The following TTC39B variants were observed in gnomAD, a reference collection of about 807,000 sequenced individuals.
TTC39B encodes the protein tetratricopeptide repeat domain 39B, also known as tetratricopeptide repeat protein 39B.
A neutral mutation model predicts 96.6 loss-of-function variants in TTC39B; 92 were observed. The ratio of observed to expected loss-of-function variants is 0.95; its 90% CI spans 0.80 to 1.13. The LOEUF (loss-of-function observed/expected upper bound fraction) is 1.13, where lower values mean the gene tolerates loss of function less well. TTC39B is among the 50% of genes most tolerant of loss of function. TTC39B has a pLI of 0.00. For synonymous variants in TTC39B, 367 were observed against 299.4 expected, an observed-to-expected ratio of 1.23 and a Z score of -2.33; for missense variants, 955 against 809.3, an observed-to-expected ratio of 1.18 and a Z score of -2.18.
intron 1 of TTC39B, among the ~76,000 whole-genome samples, chr9:15,277,153 G>A (rs1823575035): frequency 6.6e-6 from 1 of 152,204 alleles, no homozygotes; most frequent in African/African-American, 2.4e-5. Flanking sequence ...TATGGGCTGG[G>A]CGCAGTGGCT....
chr9:15,214,345 T>C (rs1820385514), intron 3 of TTC39B, 96 bp from the exon 4 acceptor site: 4 of 736,388 alleles, frequency 5.4e-6, no homozygotes, highest in Non-Finnish European at 8.9e-6. Context: ...TGTGTGTGTG[T>C]GTCTGTGTGT....
At chr9:15,279,576 T>A (rs1489845023) in intron 1 of TTC39B, among the ~76,000 whole-genome samples, 1 of 152,194 alleles carries the variant, frequency 6.6e-6, no homozygotes, top group African/African-American at 2.4e-5. Context: ...GTCCATAGAT[T>A]AATGTCAGAT....
chr9:15,185,820 G>A (rs1433601752), intron 15 of TTC39B, among the ~76,000 whole-genome samples: 2 of 152,106 alleles, frequency 1.3e-5, no homozygotes, highest in African/African-American at 4.8e-5. Flanking sequence ...GAGAGAAGAG[G>A]GTACACTGGT....
intron 1 of TTC39B, among the ~76,000 whole-genome samples, chr9:15,295,643 T>C (rs1003559380): frequency 1.3e-5 from 2 of 152,236 alleles, no homozygotes; most frequent in African/African-American, 2.4e-5. Context: ...TTTAAAAGCA[T>C]AAAGAGAAAG....
intron 2 of TTC39B, among the ~76,000 whole-genome samples, chr9:15,226,954 G>A (rs1821153355): frequency 6.6e-6 from 1 of 152,002 alleles, no homozygotes; most frequent in Admixed American, 6.5e-5. Flanking sequence ...ATTAAAAAAA[G>A]AGGAGAAGTT....
Position 15,192,698 on chromosome 9 carries a change from G to C in TTC39B, c.825-3C>G, listed in dbSNP as rs759937831. On this transcript the variant is annotated splice_polypyrimidine_tract_variant and splice_region_variant and intron_variant, in intron 8 of 19. Coordinates refer to ENST00000512701, the Ensembl canonical transcript of TTC39B. ...CATGCAGGATAGAAAGACATTCTCT[G>C]GGTTGAAGAAAAAAAGTGACAGCAT... 1.2e-6 allele frequency: 2 copies of C among 1,607,122 alleles called. No homozygotes were observed. Among genetic ancestry groups the C allele is most frequent in the Non-Finnish European group, 1.7e-6 (2 of 1,176,346 alleles).
chr9:15,177,930 C>T (rs1026300937), intron 17 of TTC39B, 116 bp from the exon 18 acceptor site: 32 of 565,790 alleles, frequency 5.7e-5, no homozygotes, highest in Middle Eastern at 5.2e-4. Context: ...AGTGCAGTGG[C>T]GCAATCTCGG....
intron 1 of TTC39B, among the ~76,000 whole-genome samples, chr9:15,279,897 T>A: frequency 7.1e-6 from 1 of 141,828 alleles, no homozygotes; most frequent in African/African-American, 2.7e-5. Context: ...CTTTTCTTTT[T>A]TTTTTTTTTT....
chr9:15,195,160 G>C (rs1254985664), intron 8 of TTC39B, among the ~76,000 whole-genome samples: 2 of 152,144 alleles, frequency 1.3e-5, no homozygotes, highest in African/African-American at 2.4e-5. Context: ...CAAATGATAA[G>C]AAAACAAAAC....
intron 15 of TTC39B, 53 bp from the exon 16 acceptor site, chr9:15,185,459 T>C: frequency 6.2e-7 from 1 of 1,604,422 alleles, no homozygotes; most frequent in Non-Finnish European, 8.5e-7. Context: ...ACACATACAT[T>C]ATTTGTACCT....
At chr9:15,239,403 T>C (rs1424640583) in intron 2 of TTC39B, among the ~76,000 whole-genome samples, 3 of 152,170 alleles carry the variant, frequency 2.0e-5, no homozygotes, top group African/African-American at 7.2e-5. Flanking sequence ...GAGACAGCAA[T>C]CCCACTGCCT....
At chr9:15,212,383 A>G (rs910813434) in intron 4 of TTC39B, among the ~76,000 whole-genome samples, 10 of 149,478 alleles carry the variant, frequency 6.7e-5, no homozygotes, top group African/African-American at 2.4e-4. Flanking sequence ...CAAGAAGCAA[A>G]AAAAAAAAAA....
At chr9:15,174,990 A>G (rs768271848) in intron 19 of TTC39B, 29 bp downstream of exon 19, 1 of 1,468,188 alleles carries the variant, frequency 6.8e-7, no homozygotes, top group South Asian at 1.1e-5. Flanking sequence ...CTCCATAACA[A>G]TCAAGGAAAA....
rs1824760266 is a variant in TTC39B at position 15,306,556 on chromosome 9, C to T, written c.240+528G>A. Among the ~76,000 whole-genome samples, 1 of 152,176 alleles carries T rather than the reference C, an allele frequency of 6.6e-6. No homozygotes were observed. Among genetic ancestry groups the T allele is most frequent in the Non-Finnish European group, 1.5e-5 (1 of 68,016 alleles). On this transcript the variant is annotated intron_variant, in intron 1 of 19. Transcript: ENST00000512701. The surrounding 1 kb of genome is among the most constrained non-coding windows in gnomAD (Gnocchi z 5.1). ...CCCTGGCAGCCCTGCCCTGCTGTCG[C>T]GGCAGGTACCCCTCTACTCATTGTT...
At chr9:15,201,800 T>C (rs1024473612) in intron 7 of TTC39B, among the ~76,000 whole-genome samples, 2 of 152,042 alleles carry the variant, frequency 1.3e-5, no homozygotes, top group African/African-American at 4.8e-5. Flanking sequence ...CCAGTTTTGT[T>C]TGAAAAAGTA....
intron 17 of TTC39B, 50 bp from the exon 18 acceptor site, chr9:15,177,864 A>AAT: frequency 2.6e-6 from 3 of 1,162,060 alleles, no homozygotes; most frequent in African/African-American, 1.6e-5. Context: ...AATACTTTTT[A>AAT]AGATCTTTTT....
intron 13 of TTC39B, among the ~76,000 whole-genome samples, chr9:15,188,629 C>T (rs1048823183): frequency 1.3e-5 from 2 of 152,112 alleles, no homozygotes; most frequent in African/African-American, 4.8e-5. Context: ...GACAGATATA[C>T]ATGTGGATAA....
chr9:15,273,849 G>A (rs1467326100), intron 1 of TTC39B, among the ~76,000 whole-genome samples: 7 of 152,314 alleles, frequency 4.6e-5, no homozygotes, highest in African/African-American at 1.7e-4. Flanking sequence ...CCATGGAGAT[G>A]AGACATGAAG....
rs1323787504 is a variant in TTC39B at position 15,211,281 on chromosome 9, A to G, written c.599T>C (p.Leu200Ser). The G allele has an allele frequency of 1.2e-5, 19 of 1,561,502 alleles. No individual in the cohort carries two copies. The highest frequency in any genetic ancestry group is 1.5e-5 in the Non-Finnish European group (17 of 1,157,306). ...CTCGTCATACTTTTGGCAGGTTTGTAAAGCGTCCTTCATGGCAGAAATGCC... is the reference window on the plus strand; with the variant it reads ...CTCGTCATACTTTTGGCAGGTTTGTGAAGCGTCCTTCATGGCAGAAATGCC... Residue 200 changes from leucine to serine, a missense_variant, in exon 5 of 20, where the codon TTA becomes TCA. Leu to Ser is a moderately radical substitution (Grantham distance 145). Transcript: ENST00000512701.
Sources: allele counts gnomAD v4.1 joint callset (sites outside exome capture counted in the v4.1 genomes callset), GRCh38; gene constraint gnomAD v4.1.1; non-coding constraint Gnocchi (gnomAD v3.1); transcripts MANE v1.5; gene names NCBI Gene and HGNC (gene_info 2026-07-23, HGNC 2026-07-21).